The following BAIAP2L2 variants were observed in gnomAD, a reference collection of about 807,000 sequenced individuals.
BAIAP2L2 encodes BAR/IMD domain containing adaptor protein 2 like 2, also known as BAR/IMD domain-containing adapter protein 2-like 2.
In BAIAP2L2, 65 loss-of-function variants were observed where a neutral mutation model predicts 60.4. The observed-to-expected ratio is 1.08, with a 90% CI of 0.88 to 1.32. BAIAP2L2 has a LOEUF of 1.32. BAIAP2L2 is among the 40% of genes most tolerant of loss of function. The pLI is 0.00. For missense variants in BAIAP2L2, 836 were observed against 741.2 expected, an observed-to-expected ratio of 1.13 and a Z score of -1.48; for synonymous variants, 344 against 301.7, an observed-to-expected ratio of 1.14 and a Z score of -1.45.
intron 2 of BAIAP2L2, 124 bp from the exon 3 acceptor site, chr22:38,108,465 G>A (rs2086715103): frequency 2.8e-6 from 2 of 720,322 alleles, no homozygotes. Flanking sequence ...GTGTGCCCCT[G>A]AGGAGGGTGT....
intron 4 of BAIAP2L2, among the ~76,000 whole-genome samples, chr22:38,107,035 C>T (rs551300054): frequency 2.6e-5 from 4 of 152,290 alleles, no homozygotes; most frequent in Admixed American, 6.5e-5. Context: ...TATTAATTCA[C>T]GTCATCCTCT....
chr22:38,090,064 A>ATTAC (rs1380165033), intron 7 of BAIAP2L2: 1 of 155,050 alleles, frequency 6.4e-6, no homozygotes, highest in African/African-American at 2.6e-5. Context: ...ACCCAGTCCC[A>ATTAC]TTACTTACTT....
intron 4 of BAIAP2L2, among the ~76,000 whole-genome samples, chr22:38,101,348 C>T (rs1292702541): frequency 8.7e-6 from 1 of 114,514 alleles, no homozygotes; most frequent in Non-Finnish European, 1.7e-5. Flanking sequence ...GCCTGGGCAA[C>T]ATAGTAAGAT....
intron 1 of BAIAP2L2, among the ~76,000 whole-genome samples, chr22:38,109,521 C>T (rs1033659463): frequency 2.6e-5 from 4 of 152,164 alleles, no homozygotes; most frequent in Non-Finnish European, 4.4e-5. Context: ...CTCCTCCTCC[C>T]GCTGGGCAGA....
In BAIAP2L2 at chr22:38,089,157, GTCGGGCTC is replaced by G; in HGVS notation, c.832_839del (p.Glu278ArgfsTer152). The stretch of plus-strand genomic sequence containing the variant: ...GCTCTAGCTGGGACGCGGGCCTCGC[GTCGGGCTC>G]GGTGCCGTAGGAGCCGGAGCCGTGC... On this transcript the variant is annotated frameshift_variant, in exon 9 of 14. Coordinates refer to ENST00000381669, the MANE Select transcript of BAIAP2L2 (RefSeq NM_025045.6). LOFTEE classifies it high-confidence loss of function. The G allele has an allele frequency of 1.5e-6, 2 of 1,339,728 alleles. No homozygotes were observed. The highest frequency in any genetic ancestry group is 1.9e-6 in the Non-Finnish European group (2 of 1,050,034). 83.0% of individuals were successfully genotyped at this position (1,339,728 alleles called of 1,614,324 possible). A position where few individuals can be genotyped will look rare whatever the true frequency, so the allele number is the denominator to read the frequency against.
rs1299177771 is a variant in BAIAP2L2, at chr22:38,098,437, T to C, written c.322A>G (p.Thr108Ala). 3 of 1,613,890 alleles carry C rather than the reference T, an allele frequency of 1.9e-6. No individual in the cohort carries two copies. In the Admixed American group the frequency reaches 5.0e-5, roughly 27 times the overall value. Residue 108 changes from threonine to alanine, a missense_variant, in exon 5 of 14, where the codon ACC becomes GCC. Coordinates refer to ENST00000381669, the MANE Select transcript of BAIAP2L2 (RefSeq NM_025045.6). ...GGLLQHMEKN[T>A]KLDMQFIKDS... ...TTGATGAACTGCATGTCCAGCTTGGTGTTCTTCTCCATGTGCTGCAGCAGG... is the reference window on the plus strand; with the variant it reads ...TTGATGAACTGCATGTCCAGCTTGGCGTTCTTCTCCATGTGCTGCAGCAGG...
In BAIAP2L2 at chr22:38,108,312, T is replaced by TGAAGTAGACCTCGGCC. The variant is rs757584598; in HGVS notation, c.141_156dup (p.Ser53GlyfsTer33). 36 of 1,612,760 alleles carry TGAAGTAGACCTCGGCC rather than the reference T, an allele frequency of 2.2e-5. No individual in the cohort carries two copies. In the South Asian group the frequency reaches 3.8e-4, roughly 17 times the overall value. ...CGCTCCCCAATCTTCTGGATGGCAC[T>TGAAGTAGACCTCGGCC]GAAGTAGACCTCGGCCGCCTCGGAC... On this transcript the variant is annotated frameshift_variant, in exon 3 of 14. Transcript: ENST00000381669. LOFTEE classifies it high-confidence loss of function.
intron 1 of BAIAP2L2, among the ~76,000 whole-genome samples, chr22:38,109,477 G>A (rs1394379152): frequency 5.3e-5 from 8 of 152,158 alleles, no homozygotes; most frequent in Admixed American, 3.9e-4. Flanking sequence ...TGGCGGGACC[G>A]AGGTGCCTCC....
At chr22:38,105,809 T>C (rs927468764) in intron 4 of BAIAP2L2, among the ~76,000 whole-genome samples, 3 of 151,676 alleles carry the variant, frequency 2.0e-5, no homozygotes. Flanking sequence ...ATGGCAGGGG[T>C]TTTTGTCTGC....
intron 2 of BAIAP2L2, 34 bp downstream of exon 2, chr22:38,109,099 G>A: frequency 6.3e-7 from 1 of 1,575,292 alleles, no homozygotes; most frequent in Non-Finnish European, 8.7e-7. Flanking sequence ...CAGAGGCCCA[G>A]GGCTGGGGCT....
chr22:38,088,646 C>CG, intron 10 of BAIAP2L2, 102 bp downstream of exon 10: 2 of 1,234,870 alleles, frequency 1.6e-6, no homozygotes, highest in Non-Finnish European at 2.2e-6. Flanking sequence ...CCGAGGCCCC[C>CG]GGGGGAGGCC....
At chr22:38,107,823 C>A (rs1043597037) in intron 4 of BAIAP2L2, 29 bp downstream of exon 4, 49 of 1,606,336 alleles carry the variant, frequency 3.1e-5, no homozygotes, top group Non-Finnish European at 4.2e-5. Flanking sequence ...CTCGAGTGAC[C>A]CCTCCAGGCC....
rs2086448684 is a variant in BAIAP2L2, at chr22:38,097,031, C to T, written c.612+1G>A. On this transcript the variant is annotated splice_donor_variant, in intron 7 of 13. Coordinates refer to ENST00000381669, the MANE Select transcript of BAIAP2L2 (RefSeq NM_025045.6). LOFTEE classifies it high-confidence loss of function. The stretch of plus-strand genomic sequence containing the variant: ...GCTTGCTGCCCCCCAGTCCAACTCA[C>T]CCGGCCGAAGAACTGCAGGAAGGTG... The T allele has an allele frequency of 1.2e-6, 2 of 1,610,204 alleles. No individual in the cohort carries two copies. Among genetic ancestry groups the T allele is most frequent in the East Asian group, 4.5e-5 (2 of 44,760 alleles).
rs1601978393 is a variant in BAIAP2L2, at chr22:38,085,506, C to T, written c.1515-131G>A. On this transcript the variant is annotated intron_variant, in intron 13 of 13. Transcript: ENST00000381669. Reference sequence around the variant, plus strand: ...TATTTGGTCTCCATCCACTCCTTGCCCCGCTTCATCTTTTTTTTTCTTTTA... The same window carrying T: ...TATTTGGTCTCCATCCACTCCTTGCTCCGCTTCATCTTTTTTTTTCTTTTA... 9.3e-6 allele frequency: 12 copies of T among 1,289,756 alleles called. No individual in the cohort carries two copies. The East Asian group carries it at 2.9e-4, about 31-fold the overall frequency. 79.9% of individuals were successfully genotyped at this position (1,289,756 alleles called of 1,614,324 possible).
chr22:38,106,885 C>T (rs2086676061), intron 4 of BAIAP2L2, among the ~76,000 whole-genome samples: 1 of 152,138 alleles, frequency 6.6e-6, no homozygotes, highest in Admixed American at 6.6e-5. Context: ...TGGCGGAAGG[C>T]CCTGGAGCTA....
intron 7 of BAIAP2L2, among the ~76,000 whole-genome samples, chr22:38,092,884 C>T (rs1187882876): frequency 2.0e-5 from 3 of 151,954 alleles, no homozygotes; most frequent in Non-Finnish European, 4.4e-5. Context: ...ATTGCAGTGG[C>T]CGGGCGCGGT....
At chr22:38,109,436 C>T (rs956643595) in intron 1 of BAIAP2L2, among the ~76,000 whole-genome samples, 2 of 152,102 alleles carry the variant, frequency 1.3e-5, no homozygotes, top group Non-Finnish European at 2.9e-5. Flanking sequence ...GCTGTGGTCC[C>T]CTCACAGCCA....
chr22:38,088,893 C>T lies in BAIAP2L2; in HGVS notation c.973G>A (p.Gly325Ser), dbSNP rs767099374. The change falls in exon 10 of 14, where the codon GGC becomes AGC. Residue 325 changes from glycine to serine, a missense_variant. Transcript: ENST00000381669. ...SFGERPGGGG[G>S]ARRVRALVSH... is the part of the protein sequence containing the mutation. ...ACCAGGGCGCGGACTCTCCTGGCGC[C>T]CCCGCCGCCGCCCGGGCGCTCGCCA... 7 of 1,576,580 alleles carry T rather than the reference C, an allele frequency of 4.4e-6. No individual in the cohort carries two copies. In the South Asian group the frequency reaches 6.8e-5, roughly 15 times the overall value.
At chr22:38,103,118 A>C (rs2086598576) in intron 4 of BAIAP2L2, among the ~76,000 whole-genome samples, 1 of 152,082 alleles carries the variant, frequency 6.6e-6, no homozygotes, top group Non-Finnish European at 1.5e-5. Context: ...TGGGAGGCTG[A>C]GGCAGGAAGA....
Sources: allele counts gnomAD v4.1 joint callset (sites outside exome capture counted in the v4.1 genomes callset), GRCh38; gene constraint gnomAD v4.1.1; transcripts MANE v1.5; gene names NCBI Gene and HGNC (gene_info 2026-07-23, HGNC 2026-07-21).